The following SPART variants were observed in gnomAD, a reference collection of about 807,000 sequenced individuals.
SPART encodes the protein spartin.
In SPART, 35 loss-of-function variants were observed where a neutral mutation model predicts 58.7. The observed-to-expected ratio is 0.60, with a 90% CI of 0.46 to 0.79. The LOEUF (loss-of-function observed/expected upper bound fraction) is 0.79. Among genes scored for constraint, SPART ranks in the 30% least tolerant of loss-of-function variants. The probability of loss-of-function intolerance (pLI) is 0.00; values close to 1 mark genes in which losing one functional copy is unlikely to be tolerated. For missense variants in SPART, 730 were observed against 786.1 expected, an observed-to-expected ratio of 0.93 and a Z score of 0.85; for synonymous variants, 284 against 280.7, an observed-to-expected ratio of 1.01 and a Z score of -0.12.
At chr13:36,344,379 T>G (rs1884858403) in intron 1 of SPART, among the ~76,000 whole-genome samples, 1 of 152,164 alleles carries the variant, frequency 6.6e-6, no homozygotes, top group African/African-American at 2.4e-5. Context: ...AAGAAGAGTG[T>G]GCCTGTGTGT....
intron 2 of SPART, among the ~76,000 whole-genome samples, chr13:36,334,113 TTAAA>T (rs1430739286): frequency 3.3e-5 from 5 of 152,334 alleles, no homozygotes; most frequent in East Asian, 1.9e-4. Context: ...TCTGTTTTGC[TTAAA>T]TAGTGATCTT....
Position 36,304,524 on chromosome 13 carries a change from C to T in SPART, c.1842G>A (p.Lys614=). Residue 614 remains lysine, a synonymous_variant, in exon 9 of 9, where the codon AAG becomes AAA. Transcript: ENST00000438666. ...INNIGIKAMV[K]KTATQTGHTL... is the part of the protein sequence containing the mutation. ...TGTGTCCTGTTTGTGTTGCAGTTTT[C>T]TTCACCATTGCTTTGATACCAATGT... The T allele has an allele frequency of 6.2e-7, 1 of 1,614,110 alleles. No individual in the cohort carries two copies. Among genetic ancestry groups the T allele is most frequent in the East Asian group, 2.2e-5 (1 of 44,866 alleles).
intron 1 of SPART, among the ~76,000 whole-genome samples, chr13:36,363,396 T>C (rs1885941424): frequency 1.3e-5 from 2 of 152,212 alleles, no homozygotes; most frequent in Middle Eastern, 3.4e-3. Context: ...TCTGTCTCTC[T>C]TTCTTTCTCT....
At chr13:36,361,297 A>G (rs1299537769) in intron 1 of SPART, among the ~76,000 whole-genome samples, 4 of 152,242 alleles carry the variant, frequency 2.6e-5, no homozygotes, top group African/African-American at 9.6e-5. Flanking sequence ...CTAAAAGAAA[A>G]CAAGTTTTGA....
Position 36,312,776 on chromosome 13 carries a change from T to C in SPART, c.1484-299A>G, listed in dbSNP as rs2274294. ...TGAAAGCTTTTGTTTGCTTTAAAGC[T>C]GTGCTTGCAGAGCCTACTGATGTTT... On this transcript the variant is annotated intron_variant, in intron 6 of 8. Transcript: ENST00000438666. 1.9e-3 allele frequency among the ~76,000 whole-genome samples: 295 copies of C among 152,184 alleles called. 1 individual carries two copies. The East Asian group carries it at 0.025, about 13-fold the overall frequency.
At chr13:36,368,059 C>G (rs558148837) in intron 1 of SPART, 2 of 281,380 alleles carry the variant, frequency 7.1e-6, no homozygotes. Flanking sequence ...TATTAGTAAA[C>G]CTTTGCCCCT....
Position 36,335,134 on chromosome 13 carries a change from C to T in SPART, c.697G>A (p.Val233Ile), listed in dbSNP as rs534099318. ...GCACTAACCTCCCCTGCAGGATTTA[C>T]AAAAAAAATCTGTACTCCATTTGGT... is the stretch of plus-strand genomic sequence containing the variant. The part of the protein sequence containing the change: ...LIPNGVQIFF[V>I]NPAGEVSAPS... The change falls in exon 2 of 9, where the codon GTA becomes ATA. Residue 233 changes from valine (V) to isoleucine (I), a missense_variant. Transcript: ENST00000438666. 3.7e-6 allele frequency: 6 copies of T among 1,613,788 alleles called. No homozygotes were observed. In the Admixed American group the frequency reaches 6.7e-5, roughly 18 times the overall value.
At chr13:36,330,885 C>A (rs1464572386) in intron 3 of SPART, among the ~76,000 whole-genome samples, 1 of 152,086 alleles carries the variant, frequency 6.6e-6, no homozygotes, top group African/African-American at 2.4e-5. Flanking sequence ...CCTCAGAATG[C>A]CAACCATACC....
chr13:36,359,557 G>A (rs1003627762), intron 1 of SPART, among the ~76,000 whole-genome samples: 1 of 152,120 alleles, frequency 6.6e-6, no homozygotes, highest in Admixed American at 6.5e-5. Context: ...ATGAACTTAG[G>A]CAAGTCACTT....
At chr13:36,318,059 G>A (rs918420372) in intron 5 of SPART, among the ~76,000 whole-genome samples, 3 of 152,028 alleles carry the variant, frequency 2.0e-5, no homozygotes, top group Admixed American at 6.6e-5. Flanking sequence ...ACCAAGCGTC[G>A]CTGAGTCTTT....
chr13:36,325,467 T>C (rs993576894), intron 5 of SPART, among the ~76,000 whole-genome samples: 2 of 152,224 alleles, frequency 1.3e-5, no homozygotes, highest in Non-Finnish European at 2.9e-5. Flanking sequence ...TCCTCTGCTT[T>C]AGACATCTTT....
At chr13:36,321,271 T>C (rs1425914756) in intron 5 of SPART, among the ~76,000 whole-genome samples, 1 of 152,186 alleles carries the variant, frequency 6.6e-6, no homozygotes, top group African/African-American at 2.4e-5. Context: ...TACACTGTTT[T>C]TCCAAGCCAT....
chr13:36,364,753 G>C (rs1268016963), intron 1 of SPART, among the ~76,000 whole-genome samples: 2 of 152,126 alleles, frequency 1.3e-5, no homozygotes, highest in Non-Finnish European at 2.9e-5. Flanking sequence ...TCTTCTTGCC[G>C]TTTTACAGTG....
intron 4 of SPART, 70 bp from the exon 5 acceptor site, chr13:36,326,768 A>G (rs1882979676): frequency 2.0e-6 from 3 of 1,531,504 alleles, no homozygotes; most frequent in East Asian, 2.3e-5. Context: ...AGCATTATAT[A>G]ACAAATATGA....
At chr13:36,322,216 T>C (rs921148442) in intron 5 of SPART, among the ~76,000 whole-genome samples, 4 of 152,078 alleles carry the variant, frequency 2.6e-5, no homozygotes, top group Admixed American at 6.5e-5. Flanking sequence ...GAAGGCCAAA[T>C]TGGGCGGATC....
chr13:36,309,923 C>T (rs1407177261), intron 8 of SPART, among the ~76,000 whole-genome samples: 1 of 152,132 alleles, frequency 6.6e-6, no homozygotes, highest in Non-Finnish European at 1.5e-5. Context: ...GCAATTCCTA[C>T]TTCCTATCTT....
At chr13:36,368,649 C>A (rs9602951) in intron 1 of SPART, among the ~76,000 whole-genome samples, 1,563 of 152,256 alleles carry the variant, frequency 0.01, 21 homozygotes, top group African/African-American at 0.035. Context: ...ATTACTAAAG[C>A]TAACATTAAA....
In SPART at chr13:36,302,684, TATA is replaced by T. The variant is rs1880105420; in HGVS notation, c.*1678_*1680del. 6.6e-6 allele frequency: 1 copy of T among 152,192 alleles called. No individual in the cohort carries two copies. The highest frequency in any genetic ancestry group is 2.1e-4 in the South Asian group (1 of 4,830). 9.4% of individuals were successfully genotyped at this position (152,192 alleles called of 1,614,324 possible). ...GATATTTTGATACAGGTATGCGATTTATAATAATTACATCAGGGTGTATCTACT... is the reference window on the plus strand; with the variant it reads ...GATATTTTGATACAGGTATGCGATTTATAATTACATCAGGGTGTATCTACT... On this transcript the variant is annotated 3_prime_UTR_variant, in exon 9 of 9. Transcript: ENST00000438666.
chr13:36,360,282 T>C (rs150375937), intron 1 of SPART, among the ~76,000 whole-genome samples: 102 of 8,226 alleles, frequency 0.012, 7 homozygotes, highest in African/African-American at 0.11. Context: ...GTGGAGAAAA[T>C]TTTTGGAGAA....
Sources: allele counts gnomAD v4.1 joint callset (sites outside exome capture counted in the v4.1 genomes callset), GRCh38; gene constraint gnomAD v4.1.1; transcripts MANE v1.5; gene names NCBI Gene and HGNC (gene_info 2026-07-23, HGNC 2026-07-21).